Variants in ZMYM2 observed in about 807,000 individuals in gnomAD.
ZMYM2 encodes the protein zinc finger MYM-type protein 2.
ZMYM2 carries 56 observed loss-of-function variants against 162.8 expected under a neutral mutation model. The ratio of observed to expected loss-of-function variants is 0.34; its 90% CI spans 0.28 to 0.43. The LOEUF is 0.43. ZMYM2 is among the 20% of genes least tolerant of loss of function. The pLI is 1.00. For missense variants in ZMYM2, 1,275 were observed against 1,621.8 expected (o/e 0.79, Z 3.67); for synonymous variants, 510 against 541.6 (o/e 0.94, Z 0.81).
At chr13:20,067,496 C>A in intron 21 of ZMYM2, 106 bp downstream of exon 21, 1 of 1,179,252 alleles carries the variant, frequency 8.5e-7, no homozygotes, top group Non-Finnish European at 1.2e-6. Context: ...CCAAGAAACA[C>A]ATCTACAAAG....
chr13:20,087,114 C>T lies in ZMYM2; in HGVS notation c.*1100C>T, dbSNP rs947584639. ...CAAGCTATGTTAAATAAGATAGGAT[C>T]ACATTTTATAATGAAGATTACCAGT... On this transcript the variant is annotated 3_prime_UTR_variant, in exon 25 of 25. Coordinates refer to ENST00000610343, the MANE Select transcript of ZMYM2 (RefSeq NM_197968.4). 1.1e-5 allele frequency: 2 copies of T among 185,308 alleles called. No individual in the cohort carries two copies. Among genetic ancestry groups the T allele is most frequent in the Admixed American group, 6.3e-5 (1 of 16,000 alleles). The allele number at this position is 185,308 out of a possible 1,614,324, so 11.5% of individuals were successfully genotyped here.
At chr13:20,037,707 T>C (rs554076795) in intron 12 of ZMYM2, among the ~76,000 whole-genome samples, 1 of 152,334 alleles carries the variant, frequency 6.6e-6, no homozygotes, top group Non-Finnish European at 1.5e-5. Context: ...AAACCATAAA[T>C]GTGTGTATGT....
chr13:19,991,427 A>G (rs1323914651), intron 2 of ZMYM2, among the ~76,000 whole-genome samples: 1 of 151,704 alleles, frequency 6.6e-6, no homozygotes, highest in East Asian at 2.0e-4. Context: ...GCCTGAGGTT[A>G]TCTTCTTAAC....
At chr13:19,873,899 A>T in the ZMYM2 span, among the ~76,000 whole-genome samples, 1 of 152,108 alleles carries the variant, frequency 6.6e-6, no homozygotes, top group Admixed American at 6.6e-5. Context: ...CACCCAATAG[A>T]TACTCAATAA....
chr13:19,926,729 G>T, the ZMYM2 span, among the ~76,000 whole-genome samples: 8 of 152,022 alleles, frequency 5.3e-5, no homozygotes, highest in Non-Finnish European at 1.2e-4. Flanking sequence ...GTTCAGTGGC[G>T]CAATCCCTGC....
At chr13:19,883,922 A>C in the ZMYM2 span, among the ~76,000 whole-genome samples, 1 of 152,090 alleles carries the variant, frequency 6.6e-6, no homozygotes, top group Non-Finnish European at 1.5e-5. Flanking sequence ...ACATCTGGCT[A>C]ATTTCTGTAT....
At chr13:19,883,722 A>T in the ZMYM2 span, among the ~76,000 whole-genome samples, 3 of 151,706 alleles carry the variant, frequency 2.0e-5, no homozygotes, top group Non-Finnish European at 1.5e-5. Context: ...ACAGACTCTT[A>T]CTTCAAGATG....
intron 14 of ZMYM2, among the ~76,000 whole-genome samples, chr13:20,055,308 T>C (rs1955703401): frequency 6.6e-6 from 1 of 152,218 alleles, no homozygotes; most frequent in South Asian, 2.1e-4. Context: ...CAGGCATTTG[T>C]AGATGTGCAG....
chr13:19,983,101 G>A (rs1957493614), intron 2 of ZMYM2, among the ~76,000 whole-genome samples: 1 of 151,654 alleles, frequency 6.6e-6, no homozygotes, highest in East Asian at 1.9e-4. Flanking sequence ...GGGTCTTTGG[G>A]GGTAAAGAAT....
rs1482938133 is a variant in ZMYM2 at position 19,993,685 on chromosome 13, A to G, written c.613A>G (p.Thr205Ala). The change falls in exon 3 of 25, where the codon ACT (threonine) becomes GCT (alanine). Residue 205 changes from threonine to alanine, a missense_variant. Physicochemically the swap from Thr to Ala is moderately conservative, Grantham distance 58. Transcript: ENST00000610343. ...SSVNDGQLEN[T>A]DGRDMNLMIT... ...TGTGAATGATGGCCAATTAGAAAAT[A>G]CTGACGGGCGAGATATGAACTTAAT... is the stretch of plus-strand genomic sequence containing the variant. The G allele has an allele frequency of 6.2e-7, 1 of 1,614,044 alleles. No homozygotes were observed. Among genetic ancestry groups the G allele is most frequent in the East Asian group, 2.2e-5 (1 of 44,874 alleles).
At chr13:20,058,008 G>A (rs555414671) in intron 14 of ZMYM2, among the ~76,000 whole-genome samples, 117 of 152,324 alleles carry the variant, frequency 7.7e-4, no homozygotes, top group African/African-American at 2.8e-3. Flanking sequence ...AGTGAACTTA[G>A]TGTGAAATAT....
chr13:19,864,768 G>C, the ZMYM2 span: 4 of 152,306 alleles, frequency 2.6e-5, no homozygotes, highest in African/African-American at 7.2e-5. Flanking sequence ...CGGCCCCTGC[G>C]GGGAGCAGAA....
intron 12 of ZMYM2, among the ~76,000 whole-genome samples, chr13:20,043,250 G>A (rs1476320134): frequency 6.6e-6 from 1 of 152,156 alleles, no homozygotes; most frequent in African/African-American, 2.4e-5. Flanking sequence ...CGTGTTTGGG[G>A]CCGCTGATCA....
chr13:20,043,989 G>C (rs201704517), intron 12 of ZMYM2, among the ~76,000 whole-genome samples: 1 of 152,092 alleles, frequency 6.6e-6, no homozygotes, highest in Admixed American at 6.5e-5. Context: ...CTGAAAGCAG[G>C]TACTTTCACA....
chr13:19,927,375 C>CA, the ZMYM2 span, among the ~76,000 whole-genome samples: 3 of 152,210 alleles, frequency 2.0e-5, no homozygotes, highest in Admixed American at 6.5e-5. Context: ...AACACACACA[C>CA]ACGTAGTTGA....
chr13:20,072,297 A>G (rs1957145068), intron 21 of ZMYM2, among the ~76,000 whole-genome samples: 1 of 152,202 alleles, frequency 6.6e-6, no homozygotes, highest in African/African-American at 2.4e-5. Context: ...AGGCAGGTGG[A>G]TCGCCTGAGG....
At chr13:19,886,029 C>T in the ZMYM2 span, among the ~76,000 whole-genome samples, 4 of 135,036 alleles carry the variant, frequency 3.0e-5, no homozygotes, top group East Asian at 2.2e-4. Flanking sequence ...TTTAAAATAC[C>T]GGCCTGGTAT....
At chr13:19,970,004 C>G in intron 2 of ZMYM2, 2 of 983,578 alleles carry the variant, frequency 2.0e-6, no homozygotes, top group Non-Finnish European at 1.2e-6. Context: ...CTTATTGATG[C>G]AAGTATTGTT....
rs778398270 is a variant in ZMYM2, at chr13:19,993,658, T to C, written c.586T>C (p.Ser196Pro). ...TACAACTTTAGAAACAGGTGTAAGC[T>C]CTGTGAATGATGGCCAATTAGAAAA... Reference protein sequence around the residue: ...NVTTLETGVSSVNDGQLENTD... With the variant: ...NVTTLETGVSPVNDGQLENTD... Residue 196 changes from serine (S) to proline (P), a missense_variant, in exon 3 of 25, where the codon TCT becomes CCT. Transcript: ENST00000610343. The C allele has an allele frequency of 1.9e-6, 3 of 1,613,916 alleles. No homozygotes were observed. The highest frequency in any genetic ancestry group is 1.7e-5 in the Admixed American group (1 of 60,000).
Sources: gnomAD v4.1 joint callset for allele counts (sites outside exome capture counted in the v4.1 genomes callset) on GRCh38, gnomAD v4.1.1 for gene constraint, MANE v1.5 for transcripts, NCBI Gene and HGNC (gene_info 2026-07-23, HGNC 2026-07-21) for gene names.